Variants in RGS6 observed in about 807,000 individuals in gnomAD.
RGS6 encodes regulator of G protein signaling 6, also known as regulator of G-protein signaling 6.
In RGS6, 30 loss-of-function variants were observed where a neutral mutation model predicts 78.5. The ratio of observed to expected loss-of-function variants is 0.38; its 90% CI spans 0.29 to 0.52. RGS6 has a LOEUF of 0.52. RGS6 is among the 20% of genes least tolerant of loss of function. RGS6 has a pLI of 0.85. For synonymous variants in RGS6, 206 were observed against 206.0 expected, an observed-to-expected ratio of 1.00 and a Z score of 0.00; for missense variants, 495 against 609.7, an observed-to-expected ratio of 0.81 and a Z score of 1.98.
chr14:72,396,894 A>G (rs1035743874), intron 3 of RGS6, among the ~76,000 whole-genome samples: 3 of 152,080 alleles, frequency 2.0e-5, no homozygotes, highest in Admixed American at 6.5e-5. Flanking sequence ...GTCCTTTTCC[A>G]TTGGTCTATA....
chr14:71,910,973 C>A, the RGS6 span, among the ~76,000 whole-genome samples: 1 of 152,248 alleles, frequency 6.6e-6, no homozygotes, highest in African/African-American at 2.4e-5. Flanking sequence ...CTCTCTGAGT[C>A]TTGTCCTTTT....
the RGS6 span, among the ~76,000 whole-genome samples, chr14:71,914,229 G>A: frequency 6.6e-6 from 1 of 152,188 alleles, no homozygotes; most frequent in Non-Finnish European, 1.5e-5. Flanking sequence ...TGGAAGAAGA[G>A]GCATTTTCTA....
At chr14:72,310,525 T>TG (rs1196102814) in intron 2 of RGS6, among the ~76,000 whole-genome samples, 1 of 152,212 alleles carries the variant, frequency 6.6e-6, no homozygotes, top group South Asian at 2.1e-4. Flanking sequence ...GCTTAATTAT[T>TG]GGGGAAAAGC....
the RGS6 span, among the ~76,000 whole-genome samples, chr14:71,902,561 G>A: frequency 6.6e-6 from 1 of 152,074 alleles, no homozygotes. Flanking sequence ...AGAGGTGTCT[G>A]TTTGGAAACG....
At chr14:72,361,475 GA>G in intron 3 of RGS6, among the ~76,000 whole-genome samples, 1 of 152,190 alleles carries the variant, frequency 6.6e-6, no homozygotes, top group East Asian at 1.9e-4. Flanking sequence ...TAAGAGAGCT[GA>G]AAATATAGTA....
chr14:72,629,611 G>A, the RGS6 span: 1 of 1,531,822 alleles, frequency 6.5e-7, no homozygotes, highest in Non-Finnish European at 8.7e-7. Flanking sequence ...CACAGGGAAA[G>A]CCCCAAACTC....
chr14:72,304,129 C>T (rs2066710348), intron 2 of RGS6, among the ~76,000 whole-genome samples: 1 of 152,190 alleles, frequency 6.6e-6, no homozygotes, highest in South Asian at 2.1e-4. Flanking sequence ...GCCGGCCTCC[C>T]ACAGCCCTTG....
chr14:71,955,262 T>C (rs886273500), intron 1 of RGS6, among the ~76,000 whole-genome samples: 1 of 152,192 alleles, frequency 6.6e-6, no homozygotes, highest in African/African-American at 2.4e-5. Flanking sequence ...GTAGGGCATA[T>C]GTGAGCAGTA....
chr14:72,358,666 G>T (rs1479284574), intron 3 of RGS6, among the ~76,000 whole-genome samples: 6 of 152,226 alleles, frequency 3.9e-5, no homozygotes, highest in African/African-American at 1.4e-4. Context: ...ATTGCATTTA[G>T]GAAGTAACTA....
intron 12 of RGS6, among the ~76,000 whole-genome samples, chr14:72,487,987 G>A (rs747111678): frequency 5.0e-4 from 76 of 152,028 alleles, no homozygotes; most frequent in Non-Finnish European, 5.3e-4. Context: ...GCCCCAATAC[G>A]TGTATGTCTC....
chr14:72,040,506 T>C (rs1432413566), intron 2 of RGS6, among the ~76,000 whole-genome samples: 1 of 152,160 alleles, frequency 6.6e-6, no homozygotes, highest in Admixed American at 6.6e-5. Flanking sequence ...TTCATGTACA[T>C]GATGACTTAC....
intron 1 of RGS6, among the ~76,000 whole-genome samples, chr14:71,955,001 T>C (rs141956557): frequency 9.5e-4 from 144 of 152,314 alleles, no homozygotes; most frequent in Admixed American, 2.0e-3. Context: ...CCAGACATGA[T>C]GTGTTGGGTC....
intron 2 of RGS6, among the ~76,000 whole-genome samples, chr14:72,257,014 C>T (rs888144456): frequency 4.6e-5 from 7 of 152,296 alleles, no homozygotes; most frequent in South Asian, 2.1e-4. Context: ...GCTTTTAAAA[C>T]GTTTTTACAT....
intron 2 of RGS6, among the ~76,000 whole-genome samples, chr14:72,221,334 A>G (rs913272241): frequency 9.2e-5 from 14 of 152,214 alleles, no homozygotes; most frequent in African/African-American, 3.4e-4. Context: ...GTAGAATACT[A>G]CATTTCCCAA....
intron 2 of RGS6, among the ~76,000 whole-genome samples, chr14:72,208,061 C>T (rs1375049455): frequency 6.6e-6 from 1 of 152,216 alleles, no homozygotes; most frequent in Non-Finnish European, 1.5e-5. Flanking sequence ...GTTCTACCCT[C>T]TGCTCTAGGG....
At chr14:72,171,041 C>T (rs1316439418) in intron 2 of RGS6, among the ~76,000 whole-genome samples, 3 of 152,130 alleles carry the variant, frequency 2.0e-5, no homozygotes, top group African/African-American at 4.8e-5. Context: ...TTTTGCTTAT[C>T]GGTTTAAATT....
At chr14:72,390,115 T>C (rs2089549373) in intron 3 of RGS6, among the ~76,000 whole-genome samples, 2 of 130,032 alleles carry the variant, frequency 1.5e-5, no homozygotes, top group Admixed American at 7.5e-5. Flanking sequence ...TTTTTTTAAC[T>C]GAGACAGAGT....
chr14:72,287,542 C>T lies in RGS6; in HGVS notation c.85-64553C>T, dbSNP rs145535994. ...CGTGATCTAGACTTACTGCAGCCTC[C>T]GCCTCCCCAGTTCAAGTGATTCTCC... On this transcript the variant is annotated intron_variant, in intron 2 of 17. Coordinates refer to ENST00000553525, the MANE Select transcript of RGS6 (RefSeq NM_001204424.2). Among the ~76,000 whole-genome samples, 1,043 of 152,204 alleles carry T rather than the reference C, an allele frequency of 6.9e-3. 47 individuals are homozygous for T. The highest frequency in any genetic ancestry group is 0.06 in the Admixed American group (920 of 15,288).
chr14:72,125,830 A>C (rs942614774), intron 2 of RGS6, among the ~76,000 whole-genome samples: 1 of 152,192 alleles, frequency 6.6e-6, no homozygotes, highest in African/African-American at 2.4e-5. Flanking sequence ...ACAGACATTC[A>C]TACAGGCCTA....
Sources: allele counts gnomAD v4.1 joint callset (sites outside exome capture counted in the v4.1 genomes callset), GRCh38; gene constraint gnomAD v4.1.1; transcripts MANE v1.5; gene names NCBI Gene and HGNC (gene_info 2026-07-23, HGNC 2026-07-21).